Variants in PTPRM observed in about 807,000 individuals in gnomAD.
PTPRM encodes protein tyrosine phosphatase receptor type M, also known as receptor-type tyrosine-protein phosphatase mu.
In PTPRM, 47 loss-of-function variants were observed where a neutral mutation model predicts 186.7. The ratio of observed to expected loss-of-function variants is 0.25; its 90% CI spans 0.20 to 0.32. The LOEUF (loss-of-function observed/expected upper bound fraction) is 0.32, where lower values mean the gene tolerates loss of function less well. PTPRM is among the 10% of genes least tolerant of loss of function. The pLI, the probability that PTPRM is intolerant of heterozygous loss-of-function variation, is 1.00. For synonymous variants in PTPRM, 668 were observed against 674.9 expected (o/e 0.99, Z 0.16); for missense variants, 1,494 against 1,865.0 (o/e 0.80, Z 3.66).
Position 7,621,773 on chromosome 18 carries a change from C to T in PTPRM, c.73+53882C>T, listed in dbSNP as rs370783843. Among the ~76,000 whole-genome samples, 3 of 152,234 alleles carry T rather than the reference C, an allele frequency of 2.0e-5. No homozygotes were observed. In the East Asian group the frequency reaches 5.8e-4, roughly 29 times the overall value. Reference sequence around the variant, plus strand: ...CACTTAATAATATGCATTTAAATTCCCTCCATGTCTTTTTGTGGCTTGATA... The same window carrying T: ...CACTTAATAATATGCATTTAAATTCTCTCCATGTCTTTTTGTGGCTTGATA... On this transcript the variant is annotated intron_variant, in intron 1 of 32. Transcript: ENST00000580170.
At chr18:7,850,467 C>T (rs2046808258) in intron 2 of PTPRM, among the ~76,000 whole-genome samples, 2 of 152,186 alleles carry the variant, frequency 1.3e-5, no homozygotes, top group African/African-American at 2.4e-5. Flanking sequence ...CAACTTTTCC[C>T]ATTCAGGCAT....
rs1599682660 is a variant in PTPRM at position 7,949,342 on chromosome 18, G to T, written c.825G>T (p.Glu275Asp). The T allele has an allele frequency of 2.5e-6, 4 of 1,612,838 alleles. No homozygotes were observed. Residue 275 changes from glutamate (E) to aspartate (D), a missense_variant, in exon 6 of 33, where the codon GAG becomes GAT. By Grantham distance (45) the Glu-to-Asp change is conservative. Coordinates refer to ENST00000580170, the MANE Select transcript of PTPRM (RefSeq NM_001105244.2). ...EGGVGISNYAELVVKEPPVPI... is the reference protein window; with the variant it reads ...EGGVGISNYADLVVKEPPVPI... ...GTGTTGGAATATCAAACTATGCAGA[G>T]TTGGTAGTTAAAGGTATTTAATGTG...
chr18:7,815,940 G>T (rs1402507516), intron 2 of PTPRM, among the ~76,000 whole-genome samples: 1 of 152,166 alleles, frequency 6.6e-6, no homozygotes. Context: ...TTGTTTGAAG[G>T]ACATCAGCGT....
At chr18:7,900,388 A>T (rs1039471046) in intron 3 of PTPRM, among the ~76,000 whole-genome samples, 1 of 152,218 alleles carries the variant, frequency 6.6e-6, no homozygotes, top group East Asian at 1.9e-4. Flanking sequence ...ATATAAAAAC[A>T]GGTGGTGGGA....
intron 1 of PTPRM, among the ~76,000 whole-genome samples, chr18:7,733,885 CT>C (rs1448955346): frequency 6.6e-6 from 1 of 152,214 alleles, no homozygotes; most frequent in Non-Finnish European, 1.5e-5. Flanking sequence ...TGGGCAGGTT[CT>C]CTTTTCTGCA....
chr18:7,649,676 G>T (rs931067928), intron 1 of PTPRM, among the ~76,000 whole-genome samples: 2 of 152,078 alleles, frequency 1.3e-5, no homozygotes, highest in Admixed American at 1.3e-4. Context: ...AGTGAGCTCA[G>T]ATGGCACCAC....
chr18:8,206,068 T>C (rs186173606), intron 14 of PTPRM, among the ~76,000 whole-genome samples: 2 of 152,124 alleles, frequency 1.3e-5, no homozygotes, highest in Admixed American at 6.5e-5. Flanking sequence ...TAATGATTGC[T>C]TTGGAGTTGA....
At chr18:8,136,273 T>C (rs2092636522) in intron 13 of PTPRM, among the ~76,000 whole-genome samples, 1 of 152,208 alleles carries the variant, frequency 6.6e-6, no homozygotes, top group African/African-American at 2.4e-5. Context: ...TTTCCCTATT[T>C]TATTACTTGA....
Position 7,942,969 on chromosome 18 carries a change from G to A in PTPRM, c.664-6212G>A, listed in dbSNP as rs542247274. On this transcript the variant is annotated intron_variant, in intron 5 of 32. Transcript: ENST00000580170. ...TTTTTTGCTTTAAGAACCAAGGAGG[G>A]GTCTCTGAATGTGTGCATGTCAGGA... Among the ~76,000 whole-genome samples the A allele has an allele frequency of 2.6e-5, 4 of 152,202 alleles. No individual in the cohort carries two copies. The South Asian group carries it at 6.2e-4, about 24-fold the overall frequency.
chr18:7,700,359 T>C (rs1237113661), intron 1 of PTPRM, among the ~76,000 whole-genome samples: 1 of 151,202 alleles, frequency 6.6e-6, no homozygotes, highest in African/African-American at 2.5e-5. Context: ...GTGAGCAAGA[T>C]TTGGGTACCC....
At chr18:8,091,504 G>C (rs2090723860) in intron 11 of PTPRM, among the ~76,000 whole-genome samples, 1 of 152,024 alleles carries the variant, frequency 6.6e-6, no homozygotes, top group African/African-American at 2.4e-5. Context: ...CATCTTTATT[G>C]GAAGGATGCC....
At chr18:7,614,499 A>T (rs2037753930) in intron 1 of PTPRM, among the ~76,000 whole-genome samples, 1 of 152,246 alleles carries the variant, frequency 6.6e-6, no homozygotes, top group Non-Finnish European at 1.5e-5. Context: ...TAGGAAGCTA[A>T]TGATAAGGGA....
intron 7 of PTPRM, among the ~76,000 whole-genome samples, chr18:7,961,798 A>G (rs2053697224): frequency 6.8e-6 from 1 of 146,994 alleles, no homozygotes. Flanking sequence ...TAAAAGCGAT[A>G]GTGTTTTTAT....
chr18:8,041,239 T>TG (rs1219721476), intron 7 of PTPRM, among the ~76,000 whole-genome samples: 2 of 152,200 alleles, frequency 1.3e-5, no homozygotes, highest in Non-Finnish European at 1.5e-5. Flanking sequence ...TTTTACCAGG[T>TG]GAAATTCATG....
chr18:8,197,283 G>A (rs892553052), intron 14 of PTPRM, among the ~76,000 whole-genome samples: 1 of 152,146 alleles, frequency 6.6e-6, no homozygotes, highest in South Asian at 2.1e-4. Context: ...TTTTTTCACG[G>A]AAGATAGTGT....
intron 7 of PTPRM, among the ~76,000 whole-genome samples, chr18:7,982,031 C>G (rs561155532): frequency 6.6e-6 from 1 of 152,198 alleles, no homozygotes; most frequent in South Asian, 2.1e-4. Context: ...TTACTGTACA[C>G]CACTGTAGAC....
chr18:7,856,099 T>C (rs1165093135), intron 2 of PTPRM, among the ~76,000 whole-genome samples: 1 of 152,172 alleles, frequency 6.6e-6, no homozygotes, highest in Non-Finnish European at 1.5e-5. Flanking sequence ...TATAAAACAT[T>C]GAGCCATATC....
chr18:7,962,417 G>A (rs116150168), intron 7 of PTPRM, among the ~76,000 whole-genome samples: 1,876 of 152,212 alleles, frequency 0.012, 28 homozygotes, highest in African/African-American at 0.043. Context: ...CTTATACCCT[G>A]AGAATATCTC....
chr18:8,206,313 C>T (rs1403051583), intron 14 of PTPRM, among the ~76,000 whole-genome samples: 3 of 150,440 alleles, frequency 2.0e-5, no homozygotes, highest in Non-Finnish European at 2.9e-5. Flanking sequence ...GGAGTGCAGT[C>T]GCGCCATCTC....
Sources: gnomAD v4.1 joint callset for allele counts (sites outside exome capture counted in the v4.1 genomes callset) on GRCh38, gnomAD v4.1.1 for gene constraint, MANE v1.5 for transcripts, NCBI Gene and HGNC (gene_info 2026-07-23, HGNC 2026-07-21) for gene names.